The following RPSA2 variants were observed in gnomAD, a reference collection of about 807,000 sequenced individuals.
The protein encoded by RPSA2 is ribosomal protein SA 2.
the RPSA2 span, among the ~76,000 whole-genome samples, chr19:23,846,229 T>C: frequency 6.6e-6 from 1 of 152,212 alleles, no homozygotes; most frequent in East Asian, 1.9e-4. Context: ...GAGATTCTTG[T>C]AGGCAACACA....
chr19:23,764,549 A>G, the RPSA2 span, among the ~76,000 whole-genome samples: 1 of 152,144 alleles, frequency 6.6e-6, no homozygotes, highest in Non-Finnish European at 1.5e-5. Flanking sequence ...GCATGATCTC[A>G]GCTCACTGAA....
the RPSA2 span, among the ~76,000 whole-genome samples, chr19:23,810,542 A>G: frequency 1.3e-5 from 2 of 151,972 alleles, no homozygotes; most frequent in South Asian, 4.2e-4. Context: ...TCGGGTCTGC[A>G]TATGGTGTTC....
At chr19:23,761,088 A>G in the RPSA2 span, among the ~76,000 whole-genome samples, 104 of 146,496 alleles carry the variant, frequency 7.1e-4, 1 homozygote, top group African/African-American at 1.5e-3. Flanking sequence ...GTATATATAT[A>G]TGTGTGTGTG....
chr19:23,831,305 A>G, the RPSA2 span, among the ~76,000 whole-genome samples: 148,979 of 152,314 alleles, frequency 0.98, 72,953 homozygotes, highest in Middle Eastern at 1. Flanking sequence ...TGAAGGTACT[A>G]CGTTATAGTG....
At chr19:23,823,879 G>C in the RPSA2 span, 1 of 152,256 alleles carries the variant, frequency 6.6e-6, no homozygotes, top group Non-Finnish European at 1.5e-5. Context: ...CTGAGGTCAT[G>C]GGTCTCTCCT....
the RPSA2 span, among the ~76,000 whole-genome samples, chr19:23,860,847 A>T: frequency 1.3e-5 from 2 of 152,200 alleles, no homozygotes; most frequent in Non-Finnish European, 2.9e-5. Flanking sequence ...AAATAGAAGA[A>T]AACAGACCCT....
chr19:23,856,150 G>T, the RPSA2 span, among the ~76,000 whole-genome samples: 1 of 152,002 alleles, frequency 6.6e-6, no homozygotes, highest in Admixed American at 6.6e-5. Flanking sequence ...TAGAGAGAGG[G>T]TTGCCAGATT....
chr19:23,778,717 C>T, the RPSA2 span, among the ~76,000 whole-genome samples: 3 of 152,146 alleles, frequency 2.0e-5, no homozygotes, highest in Non-Finnish European at 4.4e-5. Flanking sequence ...TCTCTAGACC[C>T]ATCACCTGGA....
the RPSA2 span, among the ~76,000 whole-genome samples, chr19:23,857,651 T>A: frequency 2.3e-5 from 1 of 43,920 alleles, no homozygotes; most frequent in South Asian, 1.6e-3. Context: ...CCACCACACC[T>A]AGCTAATTTT....
At chr19:23,793,327 G>T in the RPSA2 span, among the ~76,000 whole-genome samples, 1 of 144,144 alleles carries the variant, frequency 6.9e-6, no homozygotes. Flanking sequence ...CTTTTTTCTT[G>T]GTTCAATACA....
At chr19:23,871,188 A>T in the RPSA2 span, among the ~76,000 whole-genome samples, 1 of 152,142 alleles carries the variant, frequency 6.6e-6, no homozygotes, top group Non-Finnish European at 1.5e-5. Context: ...CTTTATTCCC[A>T]CATTCATCTT....
the RPSA2 span, among the ~76,000 whole-genome samples, chr19:23,761,927 T>TCTTTCCTTCCTTTC: frequency 3.2e-5 from 2 of 62,354 alleles, no homozygotes; most frequent in African/African-American, 1.4e-4. Flanking sequence ...TTTCTTTTTT[T>TCTTTCCTTCCTTTC]TTTTTTTTGA....
At chr19:23,861,101 C>T in the RPSA2 span, among the ~76,000 whole-genome samples, 1 of 152,208 alleles carries the variant, frequency 6.6e-6, no homozygotes, top group Non-Finnish European at 1.5e-5. Flanking sequence ...GTAATCAAGT[C>T]AATTCAACTG....
the RPSA2 span, among the ~76,000 whole-genome samples, chr19:23,822,980 T>G: frequency 6.6e-6 from 1 of 152,186 alleles, no homozygotes. Context: ...AGGTGGAGTC[T>G]GTACTATATT....
the RPSA2 span, among the ~76,000 whole-genome samples, chr19:23,856,964 G>T: frequency 2.0e-5 from 3 of 152,170 alleles, no homozygotes; most frequent in East Asian, 1.9e-4. Flanking sequence ...TGAGAGCAGA[G>T]AACTGGTCTG....
chr19:23,860,647 G>T, the RPSA2 span, among the ~76,000 whole-genome samples: 3 of 152,194 alleles, frequency 2.0e-5, no homozygotes, highest in African/African-American at 7.2e-5. Context: ...GAGCCAGAAT[G>T]CTAGTCTACT....
chr19:23,778,716 C>T, the RPSA2 span, among the ~76,000 whole-genome samples: 1 of 152,106 alleles, frequency 6.6e-6, no homozygotes, highest in African/African-American at 2.4e-5. Context: ...ATCTCTAGAC[C>T]CATCACCTGG....
At chr19:23,846,564 A>G in the RPSA2 span, among the ~76,000 whole-genome samples, 1 of 152,134 alleles carries the variant, frequency 6.6e-6, no homozygotes, top group Non-Finnish European at 1.5e-5. Flanking sequence ...ATTGGTAGTT[A>G]GTTTCCCCAG....
At chr19:23,774,785 G>C in the RPSA2 span, among the ~76,000 whole-genome samples, 1 of 152,114 alleles carries the variant, frequency 6.6e-6, no homozygotes, top group African/African-American at 2.4e-5. Context: ...TGACTCTACT[G>C]TCTGTGCCCT....
Sources: allele counts gnomAD v4.1 joint callset (sites outside exome capture counted in the v4.1 genomes callset), GRCh38; gene constraint gnomAD v4.1.1; transcripts MANE v1.5; gene names NCBI Gene and HGNC (gene_info 2026-07-23, HGNC 2026-07-21).